The following RPS6KA6 variants were observed in gnomAD, a reference collection of about 807,000 sequenced individuals.
The protein encoded by RPS6KA6 is ribosomal protein S6 kinase A6.
Under a neutral mutation model 65.4 loss-of-function variants are expected in RPS6KA6, and 27 were observed. The ratio of observed to expected loss-of-function variants is 0.41; its 90% CI spans 0.30 to 0.57. The LOEUF is 0.57. RPS6KA6 is among the 20% of genes least tolerant of loss of function. The pLI, the probability that RPS6KA6 is intolerant of heterozygous loss-of-function variation, is 0.24. For synonymous variants in RPS6KA6, 190 were observed against 184.2 expected, an observed-to-expected ratio of 1.03 and a Z score of -0.26; for missense variants, 486 against 555.6, an observed-to-expected ratio of 0.87 and a Z score of 1.26.
In RPS6KA6 at chrX:84,104,661, C is replaced by CA. The variant is rs1687592624; in HGVS notation, c.1456-5dup. On this transcript the variant is annotated splice_region_variant and splice_polypyrimidine_tract_variant and intron_variant, in intron 16 of 21. Transcript: ENST00000262752. ...CATATCTACCATCATCAAAGACCTA[C>CA]AAAAGAACGCAGTTTTAAAATGTTA... The CA allele has an allele frequency of 9.4e-7, 1 of 1,059,393 alleles. No homozygotes were observed. The highest frequency in any genetic ancestry group is 3.1e-5 in the Admixed American group (1 of 32,582). 87.3% of individuals were successfully genotyped at this position (1,059,393 alleles called of 1,213,427 possible). A position where few individuals can be genotyped will look rare whatever the true frequency, so the allele number is the denominator to read the frequency against.
intron 2 of RPS6KA6, among the ~76,000 whole-genome samples, chrX:84,163,189 A>G (rs2035540204): frequency 8.9e-6 from 1 of 111,890 alleles, no homozygotes; most frequent in African/African-American, 3.2e-5. Flanking sequence ...TCTACATAAT[A>G]TATCTGACCT....
rs1249971419 is a variant in RPS6KA6 at position 84,163,556 on chromosome X, G to A, written c.141+772C>T. 3.9e-5 allele frequency among the ~76,000 whole-genome samples: 4 copies of A among 103,049 alleles called. No homozygotes were observed. The East Asian group carries it at 9.4e-4, about 24-fold the overall frequency. The allele number at this position is 103,049 out of a possible 115,157, so 89.5% of individuals were successfully genotyped here. On this transcript the variant is annotated intron_variant, in intron 2 of 21. Transcript: ENST00000262752. Reference sequence around the variant, plus strand: ...CGGGAGGCTGAGGCAGGAGAATGGCGTGAACCCGGGAGGCGGAGCTTGCAG... The same window carrying A: ...CGGGAGGCTGAGGCAGGAGAATGGCATGAACCCGGGAGGCGGAGCTTGCAG...
intron 3 of RPS6KA6, among the ~76,000 whole-genome samples, chrX:84,151,553 T>C (rs752875733): frequency 1.8e-5 from 2 of 110,822 alleles, no homozygotes; most frequent in African/African-American, 3.3e-5. Context: ...CCATAGTTTA[T>C]TGTCCTTTCA....
At chrX:84,188,289 A>AC (rs907514835), upstream of RPS6KA6, among the ~76,000 whole-genome samples, 15 of 103,651 alleles carry the variant, frequency 1.4e-4, no homozygotes, top group Non-Finnish European at 2.2e-4. Flanking sequence ...CGGCGCCTGG[A>AC]CCCCCCCACG....
chrX:84,184,274 C>T (rs958443654), intron 1 of RPS6KA6, among the ~76,000 whole-genome samples: 1 of 112,311 alleles, frequency 8.9e-6, no homozygotes, highest in Non-Finnish European at 1.9e-5. Flanking sequence ...TGGAAGGCTG[C>T]GGCTAAGGCC....
At position 84,101,940 on chromosome X, in the gene RPS6KA6, C is replaced by T. The variant is rs758666290; in HGVS notation, c.1776+97G>A. 3.8e-5 allele frequency: 27 copies of T among 708,727 alleles called. 1 individual carries two copies. The South Asian group carries it at 1.2e-3, about 32-fold the overall frequency. 58.4% of individuals were successfully genotyped at this position (708,727 alleles called of 1,213,427 possible). On this transcript the variant is annotated intron_variant, in intron 18 of 21. Transcript: ENST00000262752. ...TTTAAAACTGAAAAGGGCAAGGTAA[C>T]AGCTTTTATCTGCCTACCATAACAT... is the stretch of plus-strand genomic sequence containing the variant.
intron 18 of RPS6KA6, among the ~76,000 whole-genome samples, chrX:84,101,578 T>C (rs761522390): frequency 9.0e-5 from 10 of 111,304 alleles, no homozygotes; most frequent in African/African-American, 3.2e-4. Context: ...TGCCCTTATA[T>C]GTTATTTATA....
At chrX:84,180,817 T>C (rs905051767) in intron 1 of RPS6KA6, among the ~76,000 whole-genome samples, 1 of 111,544 alleles carries the variant, frequency 9.0e-6, no homozygotes, top group African/African-American at 3.2e-5. Flanking sequence ...ATATTGTCCT[T>C]AGGGGGGAGA....
chrX:84,091,874 T>G (rs942828331), intron 20 of RPS6KA6, among the ~76,000 whole-genome samples: 4 of 111,839 alleles, frequency 3.6e-5, no homozygotes, highest in Non-Finnish European at 3.8e-5. Flanking sequence ...AGATCATGTC[T>G]GTTGCAGGGA....
rs774106102 is a variant in RPS6KA6 at position 84,061,139 on chromosome X, A to G, written c.*3138T>C. The G allele has an allele frequency of 4.4e-5, 5 of 112,456 alleles. No individual in the cohort carries two copies. The highest frequency in any genetic ancestry group is 4.6e-3 in the Middle Eastern group (1 of 218). 9.3% of individuals were successfully genotyped at this position (112,456 alleles called of 1,213,427 possible). On this transcript the variant is annotated 3_prime_UTR_variant, in exon 22 of 22. Transcript: ENST00000262752. ...AGAAAGAGAATGTACAGAATACCAC[A>G]AATATGCTTTGCCCACTTTAAAGCC...
chrX:84,172,599 C>G (rs1352123662), intron 1 of RPS6KA6, among the ~76,000 whole-genome samples: 2 of 111,682 alleles, frequency 1.8e-5, no homozygotes, highest in Non-Finnish European at 3.8e-5. Flanking sequence ...TATGATCTAG[C>G]AATCCCACTT....
chrX:84,118,862 G>A (rs2034616804), intron 9 of RPS6KA6, among the ~76,000 whole-genome samples: 1 of 111,601 alleles, frequency 9.0e-6, no homozygotes, highest in Admixed American at 9.5e-5. Context: ...TTTCCAGCCT[G>A]TTTAAGAATC....
chrX:84,122,100 G>C (rs1041820403), intron 8 of RPS6KA6, among the ~76,000 whole-genome samples: 7 of 112,180 alleles, frequency 6.2e-5, no homozygotes, highest in African/African-American at 2.3e-4. Flanking sequence ...AGTAATCACA[G>C]TACTTAGTTT....
intron 18 of RPS6KA6, among the ~76,000 whole-genome samples, chrX:84,098,688 T>A (rs997336736): frequency 1.5e-4 from 17 of 111,120 alleles, no homozygotes; most frequent in Non-Finnish European, 3.0e-4. Flanking sequence ...TTCTCATCTA[T>A]AAAAGGCTAA....
intron 8 of RPS6KA6, among the ~76,000 whole-genome samples, chrX:84,132,782 A>G (rs2034923882): frequency 9.1e-6 from 1 of 109,975 alleles, no homozygotes; most frequent in Non-Finnish European, 1.9e-5. Flanking sequence ...TAATCTCAGA[A>G]CGAGGCCAAT....
At position 84,058,516 on chromosome X, in the gene RPS6KA6, C is replaced by T. The variant is rs753374708; in HGVS notation, c.*5761G>A. 13 of 111,674 alleles carry T rather than the reference C, an allele frequency of 1.2e-4. No homozygotes were observed. Among genetic ancestry groups the T allele is most frequent in the Non-Finnish European group, 2.3e-4 (12 of 53,158 alleles). The allele number at this position is 111,674 out of a possible 1,213,427, so 9.2% of individuals were successfully genotyped here. A position where few individuals can be genotyped will look rare whatever the true frequency, so the allele number is the denominator to read the frequency against. On this transcript the variant is annotated 3_prime_UTR_variant, in exon 22 of 22. Transcript: ENST00000262752. ...AAAATGATAGCCATTTCTTTAGCAGCATTGTGAGAGAAAGAAACATTGTAA... is the reference window on the plus strand; with the variant it reads ...AAAATGATAGCCATTTCTTTAGCAGTATTGTGAGAGAAAGAAACATTGTAA...
chrX:84,094,858 T>C (rs1266872240), intron 20 of RPS6KA6, among the ~76,000 whole-genome samples: 1 of 111,244 alleles, frequency 9.0e-6, no homozygotes, highest in Non-Finnish European at 1.9e-5. Flanking sequence ...AACATTAAAA[T>C]TGATCCTTGG....
chrX:84,178,173 T>C (rs2035797513), intron 1 of RPS6KA6, among the ~76,000 whole-genome samples: 1 of 112,149 alleles, frequency 8.9e-6, no homozygotes, highest in Admixed American at 9.5e-5. Flanking sequence ...AGGCTCCCAT[T>C]TTCTTGGCAA....
At chrX:84,145,737 C>T (rs763378304) in intron 5 of RPS6KA6, among the ~76,000 whole-genome samples, 180 bp from the exon 6 acceptor site, 1 of 111,151 alleles carries the variant, frequency 9.0e-6, no homozygotes, top group South Asian at 3.8e-4. Flanking sequence ...TAAACCCCTT[C>T]CCAGAACATA....
Sources: allele counts gnomAD v4.1 joint callset (sites outside exome capture counted in the v4.1 genomes callset), GRCh38; gene constraint gnomAD v4.1.1; transcripts MANE v1.5; gene names NCBI Gene and HGNC (gene_info 2026-07-23, HGNC 2026-07-21).